The following XKR6 variants were observed in gnomAD, a reference collection of about 807,000 sequenced individuals.
XKR6 encodes XK related 6.
In XKR6, 22 loss-of-function variants were observed where a neutral mutation model predicts 56.7. That is an observed-to-expected ratio of 0.39 (90% CI 0.28 to 0.55). The LOEUF (loss-of-function observed/expected upper bound fraction) is 0.55, where lower values mean the gene tolerates loss of function less well. Among genes scored for constraint, XKR6 ranks in the 20% least tolerant of loss-of-function variants. The pLI is 0.66. For missense variants in XKR6, 852 were observed against 889.0 expected, an observed-to-expected ratio of 0.96 and a Z score of 0.53; for synonymous variants, 524 against 387.8, an observed-to-expected ratio of 1.35 and a Z score of -4.13.
chr8:10,983,029 C>A (rs1797770098), intron 1 of XKR6, among the ~76,000 whole-genome samples: 2 of 152,132 alleles, frequency 1.3e-5, no homozygotes, highest in Non-Finnish European at 2.9e-5. Flanking sequence ...GGGTTGTAAG[C>A]ATCAGATGAA....
At chr8:11,126,739 C>G (rs1439343107) in intron 1 of XKR6, among the ~76,000 whole-genome samples, 2 of 152,102 alleles carry the variant, frequency 1.3e-5, no homozygotes, top group Non-Finnish European at 1.5e-5. Flanking sequence ...AACCATTGGA[C>G]TAAAACCAAA....
chr8:11,124,080 T>A (rs190715905), intron 1 of XKR6: 24 of 450,454 alleles, frequency 5.3e-5, no homozygotes, highest in Non-Finnish European at 1.3e-5. Flanking sequence ...CTAGCACGAT[T>A]TCCTACTAAC....
intron 1 of XKR6, among the ~76,000 whole-genome samples, chr8:11,054,513 C>A (rs1251440914): frequency 6.6e-6 from 1 of 152,180 alleles, no homozygotes; most frequent in Non-Finnish European, 1.5e-5. Context: ...GCACAGAGTC[C>A]TGCAGTAGCA....
chr8:10,909,806 C>T (rs1276345227), intron 2 of XKR6, among the ~76,000 whole-genome samples: 1 of 152,174 alleles, frequency 6.6e-6, no homozygotes, highest in Non-Finnish European at 1.5e-5. Context: ...ATTATGTATG[C>T]CAGACTCTGT....
chr8:11,065,297 G>A (rs555478247), intron 1 of XKR6, among the ~76,000 whole-genome samples: 4 of 152,334 alleles, frequency 2.6e-5, no homozygotes, highest in African/African-American at 9.6e-5. Flanking sequence ...ACCATGAGAG[G>A]AAGTTGTCTT....
intron 1 of XKR6, among the ~76,000 whole-genome samples, chr8:11,019,173 T>G (rs1442623697): frequency 6.6e-6 from 1 of 152,212 alleles, no homozygotes; most frequent in East Asian, 1.9e-4. Context: ...CATGTTTCAC[T>G]CACTTTCCTA....
intron 1 of XKR6, among the ~76,000 whole-genome samples, chr8:11,004,900 C>A (rs990588221): frequency 5.3e-5 from 8 of 152,150 alleles, no homozygotes; most frequent in South Asian, 2.1e-4. Flanking sequence ...ATGGATGAAC[C>A]TTGCAGACCT....
intron 1 of XKR6, among the ~76,000 whole-genome samples, chr8:11,153,412 C>T (rs966965076): frequency 1.3e-5 from 2 of 152,208 alleles, no homozygotes; most frequent in Non-Finnish European, 2.9e-5. Context: ...GCCCCAAAAA[C>T]TCTACTACTA....
chr8:11,051,609 C>T (rs1312772107), intron 1 of XKR6, among the ~76,000 whole-genome samples: 2 of 152,188 alleles, frequency 1.3e-5, no homozygotes, highest in South Asian at 2.1e-4. Context: ...ATCCTTCTTA[C>T]CCCACCTGCA....
chr8:10,997,374 G>T (rs1192249240), intron 1 of XKR6, among the ~76,000 whole-genome samples: 1 of 152,166 alleles, frequency 6.6e-6, no homozygotes, highest in Non-Finnish European at 1.5e-5. Flanking sequence ...GGGAGATGGG[G>T]TACAAATGCT....
At chr8:10,987,287 A>G (rs1023468790) in intron 1 of XKR6, among the ~76,000 whole-genome samples, 1 of 152,206 alleles carries the variant, frequency 6.6e-6, no homozygotes, top group South Asian at 2.1e-4. Flanking sequence ...AAGTGGTACT[A>G]CTAGTTGATC....
chr8:11,192,206 T>C (rs1803619198), intron 1 of XKR6, among the ~76,000 whole-genome samples: 1 of 151,922 alleles, frequency 6.6e-6, no homozygotes, highest in African/African-American at 2.4e-5. Context: ...TCACTGAGGC[T>C]GCAGTGCAGT....
intron 1 of XKR6, among the ~76,000 whole-genome samples, chr8:11,076,291 G>C (rs960799039): frequency 6.6e-6 from 1 of 152,202 alleles, no homozygotes; most frequent in African/African-American, 2.4e-5. Flanking sequence ...TTCTGGAGTG[G>C]ATGGTGGTGA....
chr8:10,989,020 T>A (rs1360253282), intron 1 of XKR6, among the ~76,000 whole-genome samples: 1 of 152,220 alleles, frequency 6.6e-6, no homozygotes, highest in African/African-American at 2.4e-5. Flanking sequence ...AATCACTGAA[T>A]ATGCCCATAG....
intron 1 of XKR6, among the ~76,000 whole-genome samples, chr8:11,053,575 A>G (rs28447601): frequency 3.3e-5 from 5 of 151,998 alleles, no homozygotes; most frequent in African/African-American, 1.2e-4. Flanking sequence ...TCCTGCACCC[A>G]CTTCCTGACT....
intron 1 of XKR6, among the ~76,000 whole-genome samples, chr8:11,055,269 C>T (rs1374176335): frequency 6.6e-6 from 1 of 151,860 alleles, no homozygotes; most frequent in Admixed American, 6.6e-5. Context: ...TAAGAGGAAA[C>T]ATGGAGGCTG....
intron 1 of XKR6, among the ~76,000 whole-genome samples, chr8:11,084,947 G>A (rs1797838249): frequency 6.6e-6 from 1 of 152,164 alleles, no homozygotes; most frequent in Non-Finnish European, 1.5e-5. Flanking sequence ...CTGAAGAACA[G>A]CATCCAAGGT....
At chr8:11,164,225 G>T (rs968845035) in intron 1 of XKR6, among the ~76,000 whole-genome samples, 29 of 152,226 alleles carry the variant, frequency 1.9e-4, no homozygotes, top group African/African-American at 7.0e-4. Flanking sequence ...GCCTCAAGCA[G>T]AGCCCACAGT....
chr8:10,902,062 C>A (rs1442363413), intron 2 of XKR6, among the ~76,000 whole-genome samples: 1 of 152,180 alleles, frequency 6.6e-6, no homozygotes, highest in Non-Finnish European at 1.5e-5. Flanking sequence ...CAACTCCCTT[C>A]ATGGCAGTGG....
Sources: allele counts gnomAD v4.1 joint callset (sites outside exome capture counted in the v4.1 genomes callset), GRCh38; gene constraint gnomAD v4.1.1; transcripts MANE v1.5; gene names NCBI Gene and HGNC (gene_info 2026-07-23, HGNC 2026-07-21).